BANF2: variants seen among roughly 807,000 people sequenced by gnomAD.
BANF2 encodes barrier-to-autointegration factor-like protein.
Under a neutral mutation model 8.0 loss-of-function variants are expected in BANF2, and 4 were observed. The ratio of observed to expected loss-of-function variants is 0.50; its 90% CI spans 0.25 to 1.14. The LOEUF is 1.14. Among genes scored for constraint, BANF2 ranks in the 50% most tolerant of loss-of-function variants. BANF2 has a pLI of 0.16. For synonymous variants in BANF2, 50 were observed against 40.6 expected (o/e 1.23, Z -0.88); for missense variants, 96 against 107.5 (o/e 0.89, Z 0.47).
intron 1 of BANF2, among the ~76,000 whole-genome samples, chr20:17,703,689 G>A (rs561208592): frequency 1.8e-4 from 28 of 151,668 alleles, no homozygotes; most frequent in Admixed American, 7.9e-4. Context: ...ATCTCTATGC[G>A]GTTTGTCTGG....
upstream of BANF2, among the ~76,000 whole-genome samples, chr20:17,696,757 G>A (rs2037349112): frequency 6.6e-6 from 1 of 152,152 alleles, no homozygotes; most frequent in Non-Finnish European, 1.5e-5. Context: ...AACTCTGGGT[G>A]CCATGTTGCT....
At chr20:17,714,017 C>T (rs1260934722) in intron 1 of BANF2, among the ~76,000 whole-genome samples, 1 of 151,622 alleles carries the variant, frequency 6.6e-6, no homozygotes, top group Non-Finnish European at 1.5e-5. Context: ...ACCAGCCTGG[C>T]CAACATGATG....
At chr20:17,715,340 C>T (rs754751553) in intron 1 of BANF2, among the ~76,000 whole-genome samples, 7 of 152,170 alleles carry the variant, frequency 4.6e-5, no homozygotes, top group Non-Finnish European at 8.8e-5. Flanking sequence ...AAGACATCGT[C>T]CTGAGGGTTC....
At chr20:17,733,635 A>G (rs2037934075) in intron 3 of BANF2, among the ~76,000 whole-genome samples, 2 of 152,242 alleles carry the variant, frequency 1.3e-5, no homozygotes, top group African/African-American at 2.4e-5. Flanking sequence ...TAATTTAAAT[A>G]CATCTCAGTA....
chr20:17,704,740 A>G (rs2037457010), intron 1 of BANF2, among the ~76,000 whole-genome samples: 1 of 152,236 alleles, frequency 6.6e-6, no homozygotes. Context: ...AACTCAAACT[A>G]GTTAAAAGGC....
At chr20:17,724,734 C>T (rs1469290160) in intron 2 of BANF2, among the ~76,000 whole-genome samples, 2 of 152,214 alleles carry the variant, frequency 1.3e-5, no homozygotes, top group Non-Finnish European at 2.9e-5. Flanking sequence ...AAAGAACCCA[C>T]TGCAGTTCTT....
intron 1 of BANF2, among the ~76,000 whole-genome samples, chr20:17,713,774 G>A (rs1455489085): frequency 9.9e-5 from 15 of 152,104 alleles, no homozygotes; most frequent in Non-Finnish European, 5.9e-5. Flanking sequence ...GTTCGAGACT[G>A]CAGTGAGCTA....
At chr20:17,734,528 G>A (rs1316021936) in intron 3 of BANF2, among the ~76,000 whole-genome samples, 3 of 152,228 alleles carry the variant, frequency 2.0e-5, no homozygotes, top group South Asian at 2.1e-4. Flanking sequence ...AGATCACACA[G>A]GTGGTTTGCA....
chr20:17,716,150 A>G (rs1207164576), intron 1 of BANF2, among the ~76,000 whole-genome samples: 1 of 152,160 alleles, frequency 6.6e-6, no homozygotes, highest in African/African-American at 2.4e-5. Context: ...TCCTGAGTGG[A>G]CTGTACAAAA....
In BANF2 at chr20:17,706,728, T is replaced by C. The variant is rs549830495; in HGVS notation, c.-167+6673T>C. The stretch of plus-strand genomic sequence containing the variant: ...GCCAGGTGTGGCTCCTTCTGCCTTT[T>C]CACTGCCACTAAGAGAGGGGTAGCA... On this transcript the variant is annotated intron_variant, in intron 1 of 3. Transcript: ENST00000246090. Among the ~76,000 whole-genome samples, 367 of 152,336 alleles carry C rather than the reference T, an allele frequency of 2.4e-3. 4 individuals are homozygous for C. Among genetic ancestry groups the C allele is most frequent in the Admixed American group, 0.022 (332 of 15,308 alleles).
At chr20:17,700,775 T>A (rs149208531) in intron 1 of BANF2, among the ~76,000 whole-genome samples, 97 of 152,250 alleles carry the variant, frequency 6.4e-4, no homozygotes, top group African/African-American at 2.3e-3. Flanking sequence ...CTGAGGGTGG[T>A]TTGAGACTCA....
chr20:17,716,569 A>G (rs1287673861), intron 1 of BANF2, among the ~76,000 whole-genome samples: 1 of 146,784 alleles, frequency 6.8e-6, no homozygotes, highest in Admixed American at 6.7e-5. Context: ...TTTTTTTTTT[A>G]AAGAAAGAGA....
Position 17,718,803 on chromosome 20 carries a change from C to T in BANF2, c.-166-3913C>T, listed in dbSNP as rs79111522. Among the ~76,000 whole-genome samples, 943 of 152,288 alleles carry T rather than the reference C, an allele frequency of 6.2e-3. 12 individuals are homozygous for T. The highest frequency in any genetic ancestry group is 0.022 in the African/African-American group (909 of 41,538). On this transcript the variant is annotated intron_variant, in intron 1 of 3. Transcript: ENST00000246090. Reference sequence around the variant, plus strand: ...CTTTATTCCTTATTTAAAAAGTTGACGCTCTAAGCATCTAAAACCAGAATT... The same window carrying T: ...CTTTATTCCTTATTTAAAAAGTTGATGCTCTAAGCATCTAAAACCAGAATT...
At chr20:17,694,878 TC>T (rs1170656050) in intron 1 of BANF2, among the ~76,000 whole-genome samples, 1 of 151,984 alleles carries the variant, frequency 6.6e-6, no homozygotes, top group Non-Finnish European at 1.5e-5. Flanking sequence ...TGCCTCAGCC[TC>T]CCAAAGTGCT....
chr20:17,694,297 G>A (rs371187599), intron 1 of BANF2, among the ~76,000 whole-genome samples: 3 of 152,138 alleles, frequency 2.0e-5, no homozygotes, highest in East Asian at 1.9e-4. Flanking sequence ...GGATGATTAG[G>A]TAAAGCCCCA....
At chr20:17,696,599 T>G (rs2037347942), upstream of BANF2, among the ~76,000 whole-genome samples, 1 of 152,230 alleles carries the variant, frequency 6.6e-6, no homozygotes, top group Admixed American at 6.5e-5. Flanking sequence ...TAGTTGTAAT[T>G]CTTTGTCTGG....
At chr20:17,693,884 G>T (rs550377675) in intron 1 of BANF2, among the ~76,000 whole-genome samples, 1 of 152,310 alleles carries the variant, frequency 6.6e-6, no homozygotes, top group South Asian at 2.1e-4. Context: ...CCTTATTCCC[G>T]CATCTTCACA....
chr20:17,704,995 G>A (rs1452751853), intron 1 of BANF2, among the ~76,000 whole-genome samples: 1 of 152,190 alleles, frequency 6.6e-6, no homozygotes, highest in Non-Finnish European at 1.5e-5. Flanking sequence ...CCCAGCTGAG[G>A]TCGCGTGTCC....
chr20:17,722,537 A>G (rs1309010139), intron 1 of BANF2, among the ~76,000 whole-genome samples, 179 bp from the exon 2 acceptor site: 2 of 152,360 alleles, frequency 1.3e-5, no homozygotes, highest in African/African-American at 4.8e-5. Flanking sequence ...TTCTCCTGTT[A>G]ACACCTGAGT....
Sources: allele counts gnomAD v4.1 joint callset (sites outside exome capture counted in the v4.1 genomes callset), GRCh38; gene constraint gnomAD v4.1.1; transcripts MANE v1.5; gene names NCBI Gene and HGNC (gene_info 2026-07-23, HGNC 2026-07-21).